The following RERE variants were observed in gnomAD, a reference collection of about 807,000 sequenced individuals.
The protein encoded by RERE is arginine-glutamic acid dipeptide repeats protein.
Under a neutral mutation model 146.1 loss-of-function variants are expected in RERE, and 40 were observed. That is an observed-to-expected ratio of 0.27 (90% CI 0.21 to 0.36). The LOEUF is 0.36. RERE is among the 10% of genes least tolerant of loss of function. RERE has a pLI of 1.00. For missense variants in RERE, 1,933 were observed against 2,138.7 expected (o/e 0.90, Z 1.90); for synonymous variants, 1,003 against 866.0 (o/e 1.16, Z -2.78).
intron 7 of RERE, among the ~76,000 whole-genome samples, chr1:8,515,269 G>A (rs1388006699): frequency 6.6e-6 from 1 of 152,086 alleles, no homozygotes; most frequent in African/African-American, 2.4e-5. Flanking sequence ...GGCTGAGCCA[G>A]GAGAATCACT....
chr1:8,483,338 C>T (rs1030450140), intron 10 of RERE, among the ~76,000 whole-genome samples: 2 of 152,174 alleles, frequency 1.3e-5, no homozygotes, highest in South Asian at 2.1e-4. Flanking sequence ...AAGGGCCTCC[C>T]GGCAATGCCT....
intron 19 of RERE, among the ~76,000 whole-genome samples, 193 bp downstream of exon 19, chr1:8,359,571 C>T (rs970936677): frequency 6.6e-6 from 1 of 152,322 alleles, no homozygotes; most frequent in Non-Finnish European, 1.5e-5. Flanking sequence ...ACCTGCCATG[C>T]GCAGTTACCC....
chr1:8,397,034 T>C (rs1020934358), intron 12 of RERE, among the ~76,000 whole-genome samples: 1 of 152,252 alleles, frequency 6.6e-6, no homozygotes, highest in Non-Finnish European at 1.5e-5. Flanking sequence ...ACTGTGTGTC[T>C]TCCCTGGGAG....
intron 4 of RERE, among the ~76,000 whole-genome samples, chr1:8,603,974 C>T (rs1646666849): frequency 6.7e-6 from 1 of 150,232 alleles, no homozygotes; most frequent in Non-Finnish European, 1.5e-5. Context: ...GAAGAAGTTC[C>T]ACATGCTGCA....
intron 1 of RERE, among the ~76,000 whole-genome samples, chr1:8,803,732 G>GT (rs542392123): frequency 0.029 from 4,080 of 141,484 alleles, 53 homozygotes; most frequent in Middle Eastern, 0.08. Context: ...CTGGTTTTTT[G>GT]TTTTTTTTTT....
At chr1:8,550,528 TTTG>T (rs371325081) in intron 6 of RERE, among the ~76,000 whole-genome samples, 238 of 152,126 alleles carry the variant, frequency 1.6e-3, no homozygotes, top group African/African-American at 5.1e-3. Context: ...AAGGGTGTTT[TTTG>T]TTGTTGTTGT....
intron 1 of RERE, among the ~76,000 whole-genome samples, chr1:8,726,323 T>C (rs1288227123): frequency 6.6e-6 from 1 of 151,988 alleles, no homozygotes; most frequent in African/African-American, 2.4e-5. Context: ...GGTTAATTTT[T>C]ATATTTTTAG....
At chr1:8,774,611 C>G (rs188496415) in intron 1 of RERE, among the ~76,000 whole-genome samples, 5 of 152,064 alleles carry the variant, frequency 3.3e-5, no homozygotes, top group Non-Finnish European at 7.4e-5. Flanking sequence ...GCCTCGGCCT[C>G]CCAAACTGCT....
intron 1 of RERE, among the ~76,000 whole-genome samples, chr1:8,763,134 A>G (rs892150119): frequency 6.6e-6 from 1 of 152,234 alleles, no homozygotes; most frequent in Non-Finnish European, 1.5e-5. Flanking sequence ...ATGGAGAAAG[A>G]TAATATTTAC....
intron 11 of RERE, among the ~76,000 whole-genome samples, chr1:8,438,914 C>T (rs1644207626): frequency 6.6e-6 from 1 of 152,176 alleles, no homozygotes; most frequent in South Asian, 2.1e-4. Flanking sequence ...AATTGATATT[C>T]TCCCTCTCTC....
intron 11 of RERE, among the ~76,000 whole-genome samples, chr1:8,450,611 C>T (rs903417104): frequency 1.3e-5 from 2 of 152,162 alleles, no homozygotes; most frequent in East Asian, 1.9e-4. Context: ...CCCCAACCCC[C>T]GAGCCCTGCT....
chr1:8,593,186 G>C (rs1484164022), intron 4 of RERE, among the ~76,000 whole-genome samples: 1 of 152,194 alleles, frequency 6.6e-6, no homozygotes, highest in Non-Finnish European at 1.5e-5. Flanking sequence ...CTGGAGCACA[G>C]TAAACCAAAG....
chr1:8,472,784 C>G (rs1644705437), intron 10 of RERE, among the ~76,000 whole-genome samples: 1 of 151,924 alleles, frequency 6.6e-6, no homozygotes, highest in Non-Finnish European at 1.5e-5. Flanking sequence ...CCCCACGCAA[C>G]CACTATAGCA....
intron 1 of RERE, among the ~76,000 whole-genome samples, chr1:8,699,770 T>C (rs1639408204): frequency 6.6e-6 from 1 of 152,220 alleles, no homozygotes; most frequent in Non-Finnish European, 1.5e-5. Context: ...TACTGCTTCA[T>C]TCCAGGTTGT....
chr1:8,460,657 G>A (rs954378053), intron 11 of RERE, among the ~76,000 whole-genome samples: 1 of 152,160 alleles, frequency 6.6e-6, no homozygotes, highest in Admixed American at 6.5e-5. Context: ...AATGGGTAGT[G>A]TATTTCAAGA....
chr1:8,650,692 A>T (rs999123693), intron 2 of RERE, among the ~76,000 whole-genome samples: 2 of 152,124 alleles, frequency 1.3e-5, no homozygotes, highest in Middle Eastern at 3.4e-3. Context: ...AAGTCAGGAG[A>T]TCGAGACCAT....
chr1:8,525,491 G>A (rs145321521), intron 7 of RERE, among the ~76,000 whole-genome samples: 11 of 152,196 alleles, frequency 7.2e-5, no homozygotes, highest in Non-Finnish European at 1.3e-4. Flanking sequence ...ATTATACTAC[G>A]AGCCGAAGAG....
intron 8 of RERE, among the ~76,000 whole-genome samples, chr1:8,501,491 C>T (rs1570350469): frequency 2.0e-5 from 2 of 98,108 alleles, no homozygotes; most frequent in East Asian, 3.2e-4. Flanking sequence ...CCAGCCGCCC[C>T]GTCCGGGAGG....
At chr1:8,523,703 T>A (rs1020005299) in intron 7 of RERE, among the ~76,000 whole-genome samples, 1 of 151,540 alleles carries the variant, frequency 6.6e-6, no homozygotes, top group African/African-American at 2.4e-5. Flanking sequence ...ATAGACAAAT[T>A]CGACTCTTAA....
Sources: allele counts gnomAD v4.1 joint callset (sites outside exome capture counted in the v4.1 genomes callset), GRCh38; gene constraint gnomAD v4.1.1; transcripts MANE v1.5; gene names NCBI Gene and HGNC (gene_info 2026-07-23, HGNC 2026-07-21).